SMARCD2: variants seen among roughly 807,000 people sequenced by gnomAD.
The protein encoded by SMARCD2 is SWI/SNF related BAF chromatin remodeling complex subunit D2, also known as SWI/SNF-related matrix-associated actin-dependent regulator of chromatin subfamily D member 2.
A neutral mutation model predicts 70.4 loss-of-function variants in SMARCD2; 39 were observed. That is an observed-to-expected ratio of 0.55 (90% confidence interval 0.43 to 0.72). SMARCD2 has a LOEUF of 0.72. SMARCD2 is among the 30% of genes least tolerant of loss of function. The probability of loss-of-function intolerance (pLI) is 0.00; values close to 1 mark genes in which losing one functional copy is unlikely to be tolerated. For synonymous variants in SMARCD2, 249 were observed against 279.4 expected (o/e 0.89, Z 1.08); for missense variants, 540 against 713.4 (o/e 0.76, Z 2.77).
In SMARCD2 at chr17:63,833,781, C is replaced by T; in HGVS notation, c.1182-59G>A. Reference sequence around the variant, plus strand: ...GCTGACTTCATCCTGCCCACCTGGGCCAAATCTGGGGCCCATTCTCTGCAC... The same window carrying T: ...GCTGACTTCATCCTGCCCACCTGGGTCAAATCTGGGGCCCATTCTCTGCAC... On this transcript the variant is annotated intron_variant, in intron 9 of 12. Transcript: ENST00000448276. The surrounding 1 kb of genome is among the most constrained non-coding windows in gnomAD (Gnocchi z 4.3). The T allele has an allele frequency of 2.5e-6, 4 of 1,608,134 alleles. No individual in the cohort carries two copies. The highest frequency in any genetic ancestry group is 4.5e-5 in the East Asian group (2 of 44,812).
In SMARCD2 at chr17:63,834,374, C is replaced by T. The variant is rs762551161; in HGVS notation, c.922-46G>A. 15 of 1,591,684 alleles carry T rather than the reference C, an allele frequency of 9.4e-6. No homozygotes were observed. The South Asian group carries it at 1.6e-4, about 17-fold the overall frequency. On this transcript the variant is annotated intron_variant, in intron 7 of 12. Coordinates refer to ENST00000448276, the MANE Select transcript of SMARCD2 (RefSeq NM_001098426.2). The surrounding 1 kb of genome is among the most constrained non-coding windows in gnomAD (Gnocchi z 5.6). ...GTCAGAACGGGTTCTTATAGTAGAA[C>T]AGTGGGAAAATAGGGCAGGGACAGG...
chr17:63,836,536 TGGATGG>T (rs985606090), intron 4 of SMARCD2, among the ~76,000 whole-genome samples: 4 of 149,850 alleles, frequency 2.7e-5, no homozygotes, highest in Middle Eastern at 3.4e-3. Flanking sequence ...AATTTCTCTA[TGGATGG>T]GGAAGGGGAA....
rs183471237 is a variant in SMARCD2 at position 63,835,943 on chromosome 17, G to A, written c.568-376C>T. Among the ~76,000 whole-genome samples, 374 of 152,104 alleles carry A rather than the reference G, an allele frequency of 2.5e-3. 2 individuals carry two copies. Among genetic ancestry groups the A allele is most frequent in the African/African-American group, 8.5e-3 (354 of 41,490 alleles). On this transcript the variant is annotated intron_variant, in intron 4 of 12. Transcript: ENST00000448276. Reference sequence around the variant, plus strand: ...GGTATTTCAACATGTTGGCCATGCTGGTCTCAAACTCCTGACCTCAGGTGA... The same window carrying A: ...GGTATTTCAACATGTTGGCCATGCTAGTCTCAAACTCCTGACCTCAGGTGA...
intron 4 of SMARCD2, 69 bp from the exon 5 acceptor site, chr17:63,835,636 C>G: frequency 6.9e-7 from 1 of 1,453,728 alleles, no homozygotes; most frequent in South Asian, 1.2e-5. Flanking sequence ...ACCGCATCTT[C>G]TCATATGAAC....
In SMARCD2 at chr17:63,834,168, TG is replaced by T. The variant is rs1215296259; in HGVS notation, c.1081del (p.Gln361ArgfsTer15). On this transcript the variant is annotated frameshift_variant and splice_region_variant, in exon 8 of 13. Transcript: ENST00000448276. LOFTEE classifies it high-confidence loss of function. This position sits in a 1 kb window ranked among gnomAD's most constrained non-coding sequence, Gnocchi z 5.6. Reference sequence around the variant, plus strand: ...AACGGGGGCTGGCATCTGGCTAACCTGGCGGAAGTAACGGTTGCAGTTGATG... The same window carrying T: ...AACGGGGGCTGGCATCTGGCTAACCTGCGGAAGTAACGGTTGCAGTTGATG... The part of the protein sequence containing the change: ...EYINCNRYFR[Q>X]IFSCGRLRFS... The T allele has an allele frequency of 6.2e-7, 1 of 1,608,686 alleles. No individual in the cohort carries two copies. Among genetic ancestry groups the T allele is most frequent in the African/African-American group, 1.3e-5 (1 of 74,820 alleles).
Position 63,833,739 on chromosome 17 carries a change from G to A in SMARCD2, c.1182-17C>T, listed in dbSNP as rs368644656. The A allele has an allele frequency of 3.1e-6, 5 of 1,613,816 alleles. No individual in the cohort carries two copies. Among genetic ancestry groups the A allele is most frequent in the Non-Finnish European group, 4.2e-6 (5 of 1,179,844 alleles). ...GGGTCGACACTGCAGGCAGCACATGGGGAGGGAAGGCACATAGCTGACTTC... is the reference window on the plus strand; with the variant it reads ...GGGTCGACACTGCAGGCAGCACATGAGGAGGGAAGGCACATAGCTGACTTC... On this transcript the variant is annotated splice_polypyrimidine_tract_variant and intron_variant, in intron 9 of 12. Coordinates refer to ENST00000448276, the MANE Select transcript of SMARCD2 (RefSeq NM_001098426.2). The surrounding 1 kb of genome is among the most constrained non-coding windows in gnomAD (Gnocchi z 4.3).
chr17:63,833,575 C>A lies in SMARCD2; in HGVS notation c.1317+12G>T, dbSNP rs376565715. On this transcript the variant is annotated intron_variant, in intron 10 of 12. Transcript: ENST00000448276. The surrounding 1 kb of genome is among the most constrained non-coding windows in gnomAD (Gnocchi z 4.3). ...TGGGCCCCAGAGGAAGCTGTGGAGCCAGAGGGCCCACCTTGACATCAAGGG... is the reference window on the plus strand; with the variant it reads ...TGGGCCCCAGAGGAAGCTGTGGAGCAAGAGGGCCCACCTTGACATCAAGGG... 1.9e-6 allele frequency: 3 copies of A among 1,613,960 alleles called. No homozygotes were observed. The highest frequency in any genetic ancestry group is 2.5e-6 in the Non-Finnish European group (3 of 1,179,862).
Position 63,834,105 on chromosome 17 carries a change from G to C in SMARCD2, c.1083+62C>G, listed in dbSNP as rs1387207479. On this transcript the variant is annotated intron_variant, in intron 8 of 12. Transcript: ENST00000448276. This position sits in a 1 kb window ranked among gnomAD's most constrained non-coding sequence, Gnocchi z 5.6. ...CAGCAGTCTGCAGGCTGTGGCCAAG[G>C]AGTAGCCCAGCAGGCAAGGCAAAGC... 1 of 1,601,298 alleles carries C rather than the reference G, an allele frequency of 6.2e-7. No individual in the cohort carries two copies. Among genetic ancestry groups the C allele is most frequent in the Non-Finnish European group, 8.5e-7 (1 of 1,169,922 alleles).
rs976922689 is a variant in SMARCD2 at position 63,837,465 on chromosome 17, G to A, written c.377C>T (p.Pro126Leu). 3 of 1,581,024 alleles carry A rather than the reference G, an allele frequency of 1.9e-6. No individual in the cohort carries two copies. The highest frequency in any genetic ancestry group is 2.7e-5 in the African/African-American group (2 of 74,296). ...CCCCCGGCGCTGGGCAGGCATGGGA[G>A]GCTGCGCCTGGGGCACAAGCAGGCG... ...RKRLLVPQAQPPMPAQRRGLK... is the reference protein window; with the variant it reads ...RKRLLVPQAQLPMPAQRRGLK... Residue 126 changes from proline (P) to leucine (L), a missense_variant, in exon 2 of 13, where the codon CCT becomes CTT. Pro to Leu is a moderately conservative substitution (Grantham distance 98, BLOSUM62 -3). Coordinates refer to ENST00000448276, the MANE Select transcript of SMARCD2 (RefSeq NM_001098426.2). This position sits in a 1 kb window ranked among gnomAD's most constrained non-coding sequence, Gnocchi z 6.4.
chr17:63,841,408 T>G (rs1194240335), intron 1 of SMARCD2, among the ~76,000 whole-genome samples: 2 of 152,156 alleles, frequency 1.3e-5, no homozygotes, highest in Non-Finnish European at 2.9e-5. Flanking sequence ...AGCAAACCCG[T>G]AGATGAGCAA....
chr17:63,833,985 G>A lies in SMARCD2; in HGVS notation c.1105C>T (p.Arg369Cys), dbSNP rs1259199282. 4 of 1,613,876 alleles carry A rather than the reference G, an allele frequency of 2.5e-6. No individual in the cohort carries two copies. The highest frequency in any genetic ancestry group is 1.3e-5 in the African/African-American group (1 of 75,048). The change falls in exon 9 of 13, where the codon CGT becomes TGT. Residue 369 changes from arginine (R) to cysteine (C), a missense_variant. Physicochemically the swap from Arg to Cys is radical, Grantham distance 180. Coordinates refer to ENST00000448276, the MANE Select transcript of SMARCD2 (RefSeq NM_001098426.2). The surrounding 1 kb of genome is among the most constrained non-coding windows in gnomAD (Gnocchi z 4.3). ...AGCTTCATGGGAATCTCGGAGAAAC[G>A]GAGTCGGCCACAACTGAAGATCTGG... is the stretch of plus-strand genomic sequence containing the variant. ...FRQIFSCGRL[R>C]FSEIPMKLAG...
At position 63,834,764 on chromosome 17, in the gene SMARCD2, T is replaced by TAA; in HGVS notation, c.758_759dup (p.Lys254LeufsTer36). On this transcript the variant is annotated frameshift_variant, in exon 6 of 13. Coordinates refer to ENST00000448276, the MANE Select transcript of SMARCD2 (RefSeq NM_001098426.2). LOFTEE classifies it high-confidence loss of function. The surrounding 1 kb of genome is among the most constrained non-coding windows in gnomAD (Gnocchi z 5.6). ...TTGTCCAGCTCAATGACGAGGCTCT[T>TAA]AAAGAATGAAGAAAACTTCCTCTTC... 2 of 1,613,818 alleles carry TAA rather than the reference T, an allele frequency of 1.2e-6. No individual in the cohort carries two copies. The highest frequency in any genetic ancestry group is 1.7e-6 in the Non-Finnish European group (2 of 1,179,680).
In SMARCD2 at chr17:63,832,884, C is replaced by T. The variant is rs1356713165; in HGVS notation, c.*54G>A. 1 of 1,508,074 alleles carries T rather than the reference C, an allele frequency of 6.6e-7. No homozygotes were observed. The highest frequency in any genetic ancestry group is 1.4e-5 in the African/African-American group (1 of 72,120). 93.4% of individuals were successfully genotyped at this position (1,508,074 alleles called of 1,614,324 possible). A position where few individuals can be genotyped will look rare whatever the true frequency, so the allele number is the denominator to read the frequency against. On this transcript the variant is annotated 3_prime_UTR_variant, in exon 13 of 13. Transcript: ENST00000448276. ...CGTGTCTGCGGCCCCAGCAAGGACC[C>T]AGAGGGTGGTCTCCCTCCAGGCTCC...
At position 63,832,748 on chromosome 17, in the gene SMARCD2, G is replaced by A. The variant is rs551639940; in HGVS notation, c.*190C>T. On this transcript the variant is annotated 3_prime_UTR_variant, in exon 13 of 13. Coordinates refer to ENST00000448276, the MANE Select transcript of SMARCD2 (RefSeq NM_001098426.2). ...TCTGCTGAACCCAATTAAAGCCAAT[G>A]CAAAAAGTATAAGGCTTTGGGGACC... The A allele has an allele frequency of 6.5e-6, 4 of 619,556 alleles. No homozygotes were observed. Among genetic ancestry groups the A allele is most frequent in the African/African-American group, 1.8e-5 (1 of 54,478 alleles). The allele number at this position is 619,556 out of a possible 1,614,324, so 38.4% of individuals were successfully genotyped here.
rs1025863088 is a variant in SMARCD2 at position 63,833,991 on chromosome 17, G to A, written c.1099C>T (p.Arg367Ter). ...RYFRQIFSCGRLRFSEIPMKL... is the reference protein window; with the variant it reads ...RYFRQIFSCG ...ATGGGAATCTCGGAGAAACGGAGTC[G>A]GCCACAACTGAAGATCTGGAGGAAA... Residue 367 changes from arginine to a stop codon, truncating the protein, a stop_gained, in exon 9 of 13, where the codon CGA becomes TGA. Coordinates refer to ENST00000448276, the MANE Select transcript of SMARCD2 (RefSeq NM_001098426.2). LOFTEE classifies it high-confidence loss of function. The surrounding 1 kb of genome is among the most constrained non-coding windows in gnomAD (Gnocchi z 4.3). The A allele has an allele frequency of 6.2e-7, 1 of 1,613,742 alleles. No individual in the cohort carries two copies. Among genetic ancestry groups the A allele is most frequent in the Non-Finnish European group, 8.5e-7 (1 of 1,179,642 alleles).
At chr17:63,838,617 C>A in intron 1 of SMARCD2, 1 of 1,495,922 alleles carries the variant, frequency 6.7e-7, no homozygotes, top group Non-Finnish European at 8.9e-7. Context: ...CACCTGAGGC[C>A]TTGCTCCCTG....
chr17:63,832,900 TCCAGGCTCCAGGGCTGGGAA>T lies in SMARCD2; in HGVS notation c.*18_*37del. The T allele has an allele frequency of 1.3e-6, 2 of 1,546,868 alleles. No individual in the cohort carries two copies. The highest frequency in any genetic ancestry group is 1.7e-6 in the Non-Finnish European group (2 of 1,144,050). On this transcript the variant is annotated 3_prime_UTR_variant, in exon 13 of 13. Coordinates refer to ENST00000448276, the MANE Select transcript of SMARCD2 (RefSeq NM_001098426.2). ...GCAAGGACCCAGAGGGTGGTCTCCC[TCCAGGCTCCAGGGCTGGGAA>T]GAAAGATCCCTGAGCAGTTAGGTCA...
In SMARCD2 at chr17:63,833,501, A is replaced by C; in HGVS notation, c.1318-81T>G. ...AGCCAGAGTTCCCATCCCGTCCTCC[A>C]GGTGCTACATGTATGGAAATGCTGG... is the stretch of plus-strand genomic sequence containing the variant. On this transcript the variant is annotated intron_variant, in intron 10 of 12. Coordinates refer to ENST00000448276, the MANE Select transcript of SMARCD2 (RefSeq NM_001098426.2). The surrounding 1 kb of genome is among the most constrained non-coding windows in gnomAD (Gnocchi z 4.3). 6.2e-6 allele frequency: 10 copies of C among 1,609,570 alleles called. No homozygotes were observed. Among genetic ancestry groups the C allele is most frequent in the Non-Finnish European group, 8.5e-6 (10 of 1,176,682 alleles).
intron 1 of SMARCD2, chr17:63,838,876 C>T: frequency 1.6e-6 from 2 of 1,245,198 alleles, no homozygotes; most frequent in Non-Finnish European, 2.0e-6. Context: ...TCTTCCCCAA[C>T]CTCTTCATCC....
Sources: allele counts gnomAD v4.1 joint callset (sites outside exome capture counted in the v4.1 genomes callset), GRCh38; gene constraint gnomAD v4.1.1; non-coding constraint Gnocchi (gnomAD v3.1); transcripts MANE v1.5; gene names NCBI Gene and HGNC (gene_info 2026-07-23, HGNC 2026-07-21).